The following SMPDL3A variants were observed in gnomAD, a reference collection of about 807,000 sequenced individuals.
SMPDL3A encodes the protein cyclic GMP-AMP phosphodiesterase SMPDL3A.
SMPDL3A carries 39 observed loss-of-function variants against 38.5 expected under a neutral mutation model. The observed-to-expected ratio is 1.01, with a 90% CI of 0.78 to 1.32. The LOEUF (loss-of-function observed/expected upper bound fraction) is 1.32. Ranked by LOEUF, SMPDL3A falls within the 40% of genes most tolerant of loss-of-function variation. The pLI is 0.00. For synonymous variants in SMPDL3A, 180 were observed against 194.3 expected (o/e 0.93, Z 0.61); for missense variants, 502 against 536.2 (o/e 0.94, Z 0.63).
rs576994776 is a variant in SMPDL3A, at chr6:122,801,537, G to A, written c.568+131G>A. The A allele has an allele frequency of 9.5e-5, 63 of 662,978 alleles. 1 individual carries two copies. In the South Asian group the frequency reaches 1.0e-3, roughly 11 times the overall value. 41.1% of individuals were successfully genotyped at this position (662,978 alleles called of 1,614,324 possible). ...CCCCAGTTTTTGTGGAGGACAGTGA[G>A]TAGTAATGCTGCCTGTGACACAGGT... is the stretch of plus-strand genomic sequence containing the variant. On this transcript the variant is annotated intron_variant, in intron 4 of 7. Coordinates refer to ENST00000368440, the MANE Select transcript of SMPDL3A (RefSeq NM_006714.5).
At chr6:122,792,812 G>T (rs1393707817) in intron 1 of SMPDL3A, among the ~76,000 whole-genome samples, 1 of 151,978 alleles carries the variant, frequency 6.6e-6, no homozygotes, top group African/African-American at 2.4e-5. Flanking sequence ...AAAATCCTGA[G>T]CTCAAGCGAT....
chr6:122,789,743 C>T, intron 1 of SMPDL3A: 1 of 808,072 alleles, frequency 1.2e-6, no homozygotes, highest in Non-Finnish European at 1.5e-6. Flanking sequence ...GCCAGCCTGG[C>T]TTTTGTTTAC....
At chr6:122,808,310 A>G (rs1009816064) in intron 7 of SMPDL3A, among the ~76,000 whole-genome samples, 4 of 152,164 alleles carry the variant, frequency 2.6e-5, no homozygotes, top group Admixed American at 2.0e-4. Context: ...AATTTCCATG[A>G]CAGAAATACT....
intron 3 of SMPDL3A, chr6:122,797,307 G>A (rs903357735): frequency 1.5e-5 from 3 of 205,190 alleles, no homozygotes; most frequent in African/African-American, 7.0e-5. Context: ...GACAAGGTTA[G>A]CAAGTAAGGT....
intron 3 of SMPDL3A, among the ~76,000 whole-genome samples, chr6:122,798,556 C>T (rs1000618323): frequency 6.6e-6 from 1 of 152,168 alleles, no homozygotes; most frequent in Non-Finnish European, 1.5e-5. Context: ...CTCATTTGTA[C>T]ATAGAAGCTA....
At chr6:122,801,000 C>T (rs1053971902) in intron 3 of SMPDL3A, among the ~76,000 whole-genome samples, 1 of 152,218 alleles carries the variant, frequency 6.6e-6, no homozygotes, top group Non-Finnish European at 1.5e-5. Context: ...ATCCGCCTGC[C>T]TTGGCCTCCC....
chr6:122,807,084 G>C (rs557171011), intron 7 of SMPDL3A, among the ~76,000 whole-genome samples: 47 of 64,522 alleles, frequency 7.3e-4, no homozygotes, highest in African/African-American at 1.2e-3. Flanking sequence ...GTAGAGATGG[G>C]GGGGGGGGGT....
intron 1 of SMPDL3A, chr6:122,789,699 TG>T (rs1370307276): frequency 6.5e-6 from 3 of 461,936 alleles, no homozygotes; most frequent in African/African-American, 4.3e-5. Flanking sequence ...CCCTCGCCGG[TG>T]GGGGCGCTCC....
intron 1 of SMPDL3A, among the ~76,000 whole-genome samples, chr6:122,794,890 T>C (rs771963070): frequency 2.0e-5 from 3 of 152,192 alleles, no homozygotes; most frequent in Non-Finnish European, 2.9e-5. Context: ...TGATATATAG[T>C]TCCTGGTTCT....
chr6:122,789,581 C>G (rs911354587), intron 1 of SMPDL3A, 123 bp downstream of exon 1: 1 of 944,486 alleles, frequency 1.1e-6, no homozygotes, highest in Non-Finnish European at 1.6e-6. Context: ...CTAGCGGGGC[C>G]CCTGACGCGT....
At position 122,796,945 on chromosome 6, in the gene SMPDL3A, G is replaced by T. The variant is rs201545640; in HGVS notation, c.448G>T (p.Gly150Cys). ...AAATCTCCAGGTTTTCCCTGCGCTG[G>T]GTAATCATGACTATTGGCCACAGGT... Reference protein sequence around the residue: ...FPNLQVFPALGNHDYWPQDQL... With the variant: ...FPNLQVFPALCNHDYWPQDQL... Residue 150 changes from glycine to cysteine, a missense_variant, in exon 3 of 8, where the codon GGT (glycine) becomes TGT (cysteine). Gly to Cys is a radical substitution (Grantham distance 159). Coordinates refer to ENST00000368440, the MANE Select transcript of SMPDL3A (RefSeq NM_006714.5). 13 of 1,613,498 alleles carry T rather than the reference G, an allele frequency of 8.1e-6. No individual in the cohort carries two copies. The highest frequency in any genetic ancestry group is 1.1e-5 in the Non-Finnish European group (13 of 1,179,702).
chr6:122,800,463 A>G (rs1781392306), intron 3 of SMPDL3A, among the ~76,000 whole-genome samples: 1 of 152,202 alleles, frequency 6.6e-6, no homozygotes, highest in African/African-American at 2.4e-5. Context: ...CGGGCAGTGC[A>G]TGTGCAGGCT....
rs1329044809 is a variant in SMPDL3A, at chr6:122,805,073, T to C, written c.903T>C (p.Val301=). The C allele has an allele frequency of 6.2e-6, 10 of 1,602,434 alleles. No individual in the cohort carries two copies. Among genetic ancestry groups the C allele is most frequent in the Non-Finnish European group, 7.7e-6 (9 of 1,175,976 alleles). ...ACACTCACAGAGACAGCATTATGGTTCTTTCAGATAAAAAAGGTAATGTAA... is the reference window on the plus strand; with the variant it reads ...ACACTCACAGAGACAGCATTATGGTCCTTTCAGATAAAAAAGGTAATGTAA... ...YGHTHRDSIM[V]LSDKKGSPVN... The change falls in exon 6 of 8, where the codon GTT becomes GTC. Residue 301 remains valine, a synonymous_variant. Coordinates refer to ENST00000368440, the MANE Select transcript of SMPDL3A (RefSeq NM_006714.5).
chr6:122,793,805 AC>A (rs1180816398), intron 1 of SMPDL3A, among the ~76,000 whole-genome samples: 23 of 152,132 alleles, frequency 1.5e-4, no homozygotes. Flanking sequence ...CAACTGTTTC[AC>A]CTTATTATCC....
Position 122,809,218 on chromosome 6 carries a change from T to C in SMPDL3A, c.1172T>C (p.Leu391Ser). The C allele has an allele frequency of 6.2e-7, 1 of 1,614,198 alleles. No individual in the cohort carries two copies. The highest frequency in any genetic ancestry group is 8.5e-7 in the Non-Finnish European group (1 of 1,180,014). Reference protein sequence around the residue: ...EDLQPESLYGLAKQFTILDSK... With the variant: ...EDLQPESLYGSAKQFTILDSK... ...TTGCAGCCGGAAAGTTTATATGGAT[T>C]AGCTAAACAATTTACAATCCTAGAC... is the stretch of plus-strand genomic sequence containing the variant. Residue 391 changes from leucine (L) to serine (S), a missense_variant, in exon 8 of 8, where the codon TTA becomes TCA. Physicochemically the swap from Leu to Ser is moderately radical, Grantham distance 145. Coordinates refer to ENST00000368440, the MANE Select transcript of SMPDL3A (RefSeq NM_006714.5).
At chr6:122,794,412 A>G (rs1781175635) in intron 1 of SMPDL3A, among the ~76,000 whole-genome samples, 1 of 152,152 alleles carries the variant, frequency 6.6e-6, no homozygotes, top group South Asian at 2.1e-4. Flanking sequence ...CCTGGCTAAC[A>G]TGGTGAAACC....
At chr6:122,789,582 C>T (rs1433904819) in intron 1 of SMPDL3A, 124 bp downstream of exon 1, 4 of 929,394 alleles carry the variant, frequency 4.3e-6, no homozygotes, top group Non-Finnish European at 4.9e-6. Context: ...TAGCGGGGCC[C>T]CTGACGCGTC....
At chr6:122,806,181 T>A in intron 6 of SMPDL3A, 52 bp from the exon 7 acceptor site, 1 of 1,466,792 alleles carries the variant, frequency 6.8e-7, no homozygotes, top group African/African-American at 1.4e-5. Context: ...ATTTTTAATA[T>A]AGTTAAACTC....
rs1293830630 is a variant in SMPDL3A at position 122,809,080 on chromosome 6, C to T, written c.1045-11C>T. 6.2e-7 allele frequency: 1 copy of T among 1,607,124 alleles called. No individual in the cohort carries two copies. Among genetic ancestry groups the T allele is most frequent in the African/African-American group, 1.3e-5 (1 of 74,722 alleles). Reference sequence around the variant, plus strand: ...AAGTGAACCAGGTTTTGTTACTGTTCTTAACTGCAGGATATGTTGCAGTAT... The same window carrying T: ...AAGTGAACCAGGTTTTGTTACTGTTTTTAACTGCAGGATATGTTGCAGTAT... On this transcript the variant is annotated splice_polypyrimidine_tract_variant and intron_variant, in intron 7 of 7. Transcript: ENST00000368440.
Sources: gnomAD v4.1 joint callset for allele counts (sites outside exome capture counted in the v4.1 genomes callset) on GRCh38, gnomAD v4.1.1 for gene constraint, MANE v1.5 for transcripts, NCBI Gene and HGNC (gene_info 2026-07-23, HGNC 2026-07-21) for gene names.